Variants in SDHA observed in about 807,000 individuals in gnomAD.
The protein encoded by SDHA is succinate dehydrogenase complex flavoprotein subunit A.
In SDHA, 48 loss-of-function variants were observed where a neutral mutation model predicts 78.4. The observed-to-expected ratio is 0.61, with a 90% CI of 0.49 to 0.78. The LOEUF is 0.78. SDHA is among the 30% of genes least tolerant of loss of function. SDHA has a pLI of 0.00. For missense variants in SDHA, 680 were observed against 892.7 expected (o/e 0.76, Z 3.04); for synonymous variants, 326 against 353.9 (o/e 0.92, Z 0.88).
At chr5:265,820 CAAA>C in the SDHA span, among the ~76,000 whole-genome samples, 3 of 141,790 alleles carry the variant, frequency 2.1e-5, no homozygotes, top group Admixed American at 7.0e-5. Flanking sequence ...GATTCTGTCT[CAAA>C]AAAAAAAAAA....
At chr5:229,352 A>G (rs73031495) in intron 6 of SDHA, among the ~76,000 whole-genome samples, 14,625 of 152,296 alleles carry the variant, frequency 0.096, 2,281 homozygotes, top group African/African-American at 0.33. Context: ...GAGATATGGA[A>G]ACAACCTAAA....
chr5:239,224 TA>T (rs112333017), intron 10 of SDHA, among the ~76,000 whole-genome samples: 7 of 151,184 alleles, frequency 4.6e-5, no homozygotes, highest in Non-Finnish European at 7.4e-5. Flanking sequence ...TATAACGTTA[TA>T]AAAAAAACTT....
chr5:259,121 C>A (rs867210873), downstream of SDHA, among the ~76,000 whole-genome samples: 31 of 14,862 alleles, frequency 2.1e-3, no homozygotes, highest in South Asian at 9.6e-3. Context: ...GCCTCCCGTC[C>A]GAGCATTACC....
chr5:263,503 G>A, the SDHA span, among the ~76,000 whole-genome samples: 1 of 152,156 alleles, frequency 6.6e-6, no homozygotes, highest in Non-Finnish European at 1.5e-5. Flanking sequence ...TGCCTCCTAC[G>A]TGACGGAAAG....
At chr5:262,310 C>T in the SDHA span, among the ~76,000 whole-genome samples, 358 of 110,096 alleles carry the variant, frequency 3.3e-3, 9 homozygotes, top group Non-Finnish European at 5.1e-3. Flanking sequence ...GTGTGAGCTC[C>T]GCCTCCCGTC....
At chr5:250,398 C>A in intron 11 of SDHA, 1 of 172,850 alleles carries the variant, frequency 5.8e-6, no homozygotes, top group Non-Finnish European at 1.3e-5. Context: ...CACTGCATAG[C>A]ACGTCTCTCA....
Position 236,646 on chromosome 5 carries a change from G to C in SDHA, c.1432+47G>C, listed in dbSNP as rs540196776. 3.3e-5 allele frequency: 52 copies of C among 1,579,834 alleles called. No individual in the cohort carries two copies. The South Asian group carries it at 5.6e-4, about 17-fold the overall frequency. On this transcript the variant is annotated intron_variant, in intron 10 of 14. Transcript: ENST00000264932. ...CAGACTATTTGAGAAGGCGCAGGAC[G>C]TTAGAAAGTCTTTTTTCTTTTTTTT...
intron 7 of SDHA, 67 bp from the exon 8 acceptor site, chr5:233,410 A>G: frequency 6.4e-7 from 1 of 1,570,354 alleles, no homozygotes; most frequent in Non-Finnish European, 8.8e-7. Context: ...ATGTCTTGAA[A>G]AAAATAATGC....
At chr5:251,629 C>A (rs186704301) in intron 13 of SDHA, 161 bp downstream of exon 13, 3 of 1,535,876 alleles carry the variant, frequency 2.0e-6, no homozygotes, top group Middle Eastern at 3.4e-4. Context: ...TGGGTTCTCG[C>A]CATCTTCTGG....
chr5:221,295 C>T (rs1461894524), intron 1 of SDHA, among the ~76,000 whole-genome samples: 4 of 152,138 alleles, frequency 2.6e-5, no homozygotes, highest in Non-Finnish European at 5.9e-5. Flanking sequence ...GTTTCTTTAG[C>T]GGATATGCAG....
chr5:230,863 CTA>C lies in SDHA; in HGVS notation c.771-11_771-10del, dbSNP rs1485664734. ...GGCCGCTGTGTGCAGTCACTGCTCT[CTA>C]TTGTTTCCAGAGGCTACGGGCGCAC... On this transcript the variant is annotated splice_polypyrimidine_tract_variant and intron_variant, in intron 6 of 14. Coordinates refer to ENST00000264932, the MANE Select transcript of SDHA (RefSeq NM_004168.4). 1 of 1,613,532 alleles carries C rather than the reference CTA, an allele frequency of 6.2e-7. No individual in the cohort carries two copies.
chr5:240,749 G>C (rs1736088461), intron 11 of SDHA, among the ~76,000 whole-genome samples: 1 of 152,036 alleles, frequency 6.6e-6, no homozygotes, highest in African/African-American at 2.4e-5. Context: ...TCACCATTCA[G>C]CTTCCACTTC....
Position 254,632 on chromosome 5 carries a change from C to T in SDHA, c.1908+126C>T, listed in dbSNP as rs147033506. On this transcript the variant is annotated intron_variant, in intron 14 of 14. Transcript: ENST00000264932. ...GATTTAAATCAACTCCCGACAGATT[C>T]GAGGCACCGCTGAAAAAGGCACTCC... The T allele has an allele frequency of 2.6e-3, 3,703 of 1,420,754 alleles. 80 individuals are homozygous for T. In the African/African-American group the frequency reaches 0.05, roughly 19 times the overall value. 88.0% of individuals were successfully genotyped at this position (1,420,754 alleles called of 1,614,324 possible). A position where few individuals can be genotyped will look rare whatever the true frequency, so the allele number is the denominator to read the frequency against.
downstream of SDHA, among the ~76,000 whole-genome samples, chr5:257,282 A>G (rs934412490): frequency 6.6e-6 from 1 of 152,170 alleles, no homozygotes; most frequent in African/African-American, 2.4e-5. Flanking sequence ...ACCAGGCCGC[A>G]CAGTAGGAGG....
chr5:225,895 G>A lies in SDHA; in HGVS notation c.469G>A (p.Gly157Ser), dbSNP rs1734987233. ...PAAVVELENY[G>S]MPFSRTEDGK... is the part of the protein sequence containing the mutation. Reference sequence around the variant, plus strand: ...TTATCTTTCACAGCTAGAAAATTATGGCATGCCGTTTAGCAGAACTGAAGA... The same window carrying A: ...TTATCTTTCACAGCTAGAAAATTATAGCATGCCGTTTAGCAGAACTGAAGA... The change falls in exon 5 of 15, where the codon GGC becomes AGC. Residue 157 changes from glycine (G) to serine (S), a missense_variant. Gly to Ser is a moderately conservative substitution (Grantham distance 56). Transcript: ENST00000264932. 1 of 1,612,846 alleles carries A rather than the reference G, an allele frequency of 6.2e-7. No individual in the cohort carries two copies. Among genetic ancestry groups the A allele is most frequent in the African/African-American group, 1.3e-5 (1 of 74,978 alleles).
At chr5:259,278 GCCAGAGCA>G (rs1737395193), downstream of SDHA, among the ~76,000 whole-genome samples, 4 of 49,424 alleles carry the variant, frequency 8.1e-5, 1 homozygote, top group Non-Finnish European at 1.5e-4. Context: ...TCCGCCTCCC[GCCAGAGCA>G]TTACCGTGTG....
At position 256,819 on chromosome 5, in the gene SDHA, T is replaced by TTTTC. The variant is rs1175267041; in HGVS notation, c.*403_*406dup. Reference sequence around the variant, plus strand: ...ATATTTTGTATAGTTTCTTTTTTCTTTTTCTTTTCTTTTTTTTTTTTGAGA... The same window carrying TTTTC: ...ATATTTTGTATAGTTTCTTTTTTCTTTTTCTTTCTTTTCTTTTTTTTTTTTGAGA... On this transcript the variant is annotated 3_prime_UTR_variant, in exon 15 of 15. Coordinates refer to ENST00000264932, the MANE Select transcript of SDHA (RefSeq NM_004168.4). 6.2e-4 allele frequency: 160 copies of TTTTC among 256,584 alleles called. 2 individuals are homozygous for TTTTC. Among genetic ancestry groups the TTTTC allele is most frequent in the African/African-American group, 4.7e-3 (152 of 32,378 alleles). The allele number at this position is 256,584 out of a possible 1,614,324, so 15.9% of individuals were successfully genotyped here.
chr5:239,058 A>G (rs1020478968), intron 10 of SDHA, among the ~76,000 whole-genome samples: 4 of 131,000 alleles, frequency 3.1e-5, no homozygotes, highest in Non-Finnish European at 6.2e-5. Context: ...TATCAAAAGG[A>G]AGAGAAACAC....
intron 13 of SDHA, among the ~76,000 whole-genome samples, chr5:252,181 C>T (rs1433195955): frequency 6.4e-5 from 9 of 140,314 alleles, no homozygotes; most frequent in African/African-American, 2.2e-4. Flanking sequence ...AGTTTATTAA[C>T]GAATAAGCCA....
Sources: gnomAD v4.1 joint callset for allele counts (sites outside exome capture counted in the v4.1 genomes callset) on GRCh38, gnomAD v4.1.1 for gene constraint, MANE v1.5 for transcripts, NCBI Gene and HGNC (gene_info 2026-07-23, HGNC 2026-07-21) for gene names.